SEPTIN6: variants seen among roughly 807,000 people sequenced by gnomAD.
SEPTIN6 encodes septin-6.
SEPTIN6 carries 8 observed loss-of-function variants against 33.6 expected under a neutral mutation model. The ratio of observed to expected loss-of-function variants is 0.24; its 90% confidence interval spans 0.14 to 0.43. The LOEUF is 0.43. SEPTIN6 is among the 20% of genes least tolerant of loss of function. The pLI is 1.00. For synonymous variants in SEPTIN6, 131 were observed against 140.0 expected (o/e 0.94, Z 0.45); for missense variants, 250 against 340.8 (o/e 0.73, Z 2.10).
At chrX:119,678,176 C>A (rs2054874581) in intron 1 of SEPTIN6, among the ~76,000 whole-genome samples, 1 of 110,700 alleles carries the variant, frequency 9.0e-6, no homozygotes, top group African/African-American at 3.3e-5. Flanking sequence ...GAGGTCGAGG[C>A]TGCAGTGAGC....
chrX:119,619,802 A>C lies in SEPTIN6; in HGVS notation c.*291T>G. On this transcript the variant is annotated 3_prime_UTR_variant, in exon 11 of 11. Transcript: ENST00000394610. ...CTCTGGCAAAGATGTGGGGGAAGACAGGGGGGATGGCTGGGGGTGCTGGGA... is the reference window on the plus strand; with the variant it reads ...CTCTGGCAAAGATGTGGGGGAAGACCGGGGGGATGGCTGGGGGTGCTGGGA... 1.0e-6 allele frequency: 1 copy of C among 966,415 alleles called. No individual in the cohort carries two copies. The highest frequency in any genetic ancestry group is 1.3e-6 in the Non-Finnish European group (1 of 752,790). The allele number at this position is 966,415 out of a possible 1,213,427, so 79.6% of individuals were successfully genotyped here. A position where few individuals can be genotyped will look rare whatever the true frequency, so the allele number is the denominator to read the frequency against.
At chrX:119,669,926 C>G (rs1359789396) in intron 2 of SEPTIN6, among the ~76,000 whole-genome samples, 2 of 111,755 alleles carry the variant, frequency 1.8e-5, no homozygotes, top group Non-Finnish European at 3.8e-5. Flanking sequence ...TCCTGAGCAG[C>G]TTCAAAGTAA....
chrX:119,667,297 G>A (rs913328625), intron 2 of SEPTIN6, among the ~76,000 whole-genome samples: 1 of 109,005 alleles, frequency 9.2e-6, no homozygotes, highest in Non-Finnish European at 1.9e-5. Flanking sequence ...GAAGGCCTCA[G>A]GGGCAGCACC....
rs183938018 is a variant in SEPTIN6 at position 119,637,291 on chromosome X, C to T, written c.788-96G>A. The T allele has an allele frequency of 1.3e-4, 99 of 770,939 alleles. No individual in the cohort carries two copies. In the East Asian group the frequency reaches 2.9e-3, roughly 22 times the overall value. The allele number at this position is 770,939 out of a possible 1,213,427, so 63.5% of individuals were successfully genotyped here. On this transcript the variant is annotated intron_variant, in intron 6 of 10. Transcript: ENST00000394610. ...CGAGAGGCAAAATGTCTAACAGTGA[C>T]GTTGCCTTGCAATCTGTGTATTTAG...
intron 2 of SEPTIN6, among the ~76,000 whole-genome samples, chrX:119,667,606 G>A (rs1461980395): frequency 1.2e-5 from 1 of 86,560 alleles, no homozygotes; most frequent in East Asian, 3.6e-4. Flanking sequence ...GGTCGGGGAG[G>A]CTTTCTGTCA....
chrX:119,647,749 G>A (rs1455834673), intron 5 of SEPTIN6, among the ~76,000 whole-genome samples: 1 of 108,713 alleles, frequency 9.2e-6, no homozygotes, highest in Non-Finnish European at 1.9e-5. Context: ...TGCCTCCTGG[G>A]TTCAAGCGAT....
At chrX:119,667,599 C>T (rs1383019531) in intron 2 of SEPTIN6, among the ~76,000 whole-genome samples, 3 of 110,452 alleles carry the variant, frequency 2.7e-5, no homozygotes, top group Non-Finnish European at 3.8e-5. Context: ...GCCTGGGGGT[C>T]GGGGAGGCTT....
chrX:119,630,596 G>A (rs1032851437), intron 8 of SEPTIN6, among the ~76,000 whole-genome samples: 2 of 112,278 alleles, frequency 1.8e-5, no homozygotes, highest in African/African-American at 6.5e-5. Flanking sequence ...GCTCACGCCT[G>A]TAATACCAGC....
chrX:119,671,018 G>T (rs1294632115), intron 2 of SEPTIN6, among the ~76,000 whole-genome samples: 6 of 111,090 alleles, frequency 5.4e-5, no homozygotes, highest in Non-Finnish European at 1.1e-4. Flanking sequence ...ATGCATGTAG[G>T]ATACCTTGCT....
intron 9 of SEPTIN6, among the ~76,000 whole-genome samples, chrX:119,627,677 G>C (rs767405686): frequency 6.3e-5 from 7 of 110,408 alleles, no homozygotes; most frequent in African/African-American, 2.3e-4. Context: ...GTGAGGGTGG[G>C]ACTACGGCCA....
intron 3 of SEPTIN6, among the ~76,000 whole-genome samples, chrX:119,656,155 G>C (rs1398798175): frequency 8.9e-6 from 1 of 111,887 alleles, no homozygotes; most frequent in Non-Finnish European, 1.9e-5. Context: ...ACATTATTTT[G>C]AGAATGAGCC....
chrX:119,692,985 G>T, intron 1 of SEPTIN6, 91 bp downstream of exon 1: 1 of 969,057 alleles, frequency 1.0e-6, no homozygotes, highest in Non-Finnish European at 1.4e-6. Context: ...GCTGCCCACT[G>T]CCCTCCTCGC....
chrX:119,675,744 T>A (rs1299991709), intron 1 of SEPTIN6, 76 bp from the exon 2 acceptor site: 1 of 587,870 alleles, frequency 1.7e-6, no homozygotes, highest in Non-Finnish European at 2.5e-6. Flanking sequence ...CATCCAAATG[T>A]TCGCTGTGCA....
intron 1 of SEPTIN6, among the ~76,000 whole-genome samples, chrX:119,689,026 C>T (rs943812321): frequency 9.0e-6 from 1 of 111,342 alleles, no homozygotes; most frequent in Non-Finnish European, 1.9e-5. Flanking sequence ...ATCTTTTCCC[C>T]ACCTGAAGAC....
At chrX:119,642,563 T>C (rs1438473306) in intron 5 of SEPTIN6, among the ~76,000 whole-genome samples, 4 of 110,660 alleles carry the variant, frequency 3.6e-5, no homozygotes, top group African/African-American at 1.3e-4. Context: ...AAGCAGTAGA[T>C]GAGGTGCGTA....
rs190350343 is a variant in SEPTIN6, at chrX:119,687,687, C to A, written c.30+5389G>T. On this transcript the variant is annotated intron_variant, in intron 1 of 10. Transcript: ENST00000394610. ...ATCAGCCCTACTTAGTTTGGGAATACCTTTTTCCAGAGGACTTATCTTCCT... is the reference window on the plus strand; with the variant it reads ...ATCAGCCCTACTTAGTTTGGGAATAACTTTTTCCAGAGGACTTATCTTCCT... 2.7e-5 allele frequency among the ~76,000 whole-genome samples: 3 copies of A among 112,189 alleles called. No individual in the cohort carries two copies. In the South Asian group the frequency reaches 1.1e-3, roughly 41 times the overall value.
At chrX:119,632,371 T>C (rs1246679811) in intron 8 of SEPTIN6, among the ~76,000 whole-genome samples, 1 of 110,323 alleles carries the variant, frequency 9.1e-6, no homozygotes, top group Non-Finnish European at 1.9e-5. Flanking sequence ...AATTTTTTTG[T>C]ATTTTTAGTA....
At position 119,618,563 on chromosome X, in the gene SEPTIN6, G is replaced by A; in HGVS notation, c.*1530C>T. 2.1e-6 allele frequency: 2 copies of A among 963,133 alleles called. No homozygotes were observed. Among genetic ancestry groups the A allele is most frequent in the African/African-American group, 2.0e-5 (1 of 49,716 alleles). 79.4% of individuals were successfully genotyped at this position (963,133 alleles called of 1,213,427 possible). A position where few individuals can be genotyped will look rare whatever the true frequency, so the allele number is the denominator to read the frequency against. ...AACTCTAAAAAAAAAATAGAAGTAG[G>A]TGGTCATGGTCAGTGCCAGTGGGGC... On this transcript the variant is annotated 3_prime_UTR_variant, in exon 11 of 11. Coordinates refer to ENST00000394610, the MANE Select transcript of SEPTIN6 (RefSeq NM_145799.4).
At chrX:119,666,424 T>C (rs2054640496) in intron 2 of SEPTIN6, among the ~76,000 whole-genome samples, 2 of 112,381 alleles carry the variant, frequency 1.8e-5, no homozygotes, top group South Asian at 3.7e-4. Flanking sequence ...TCTAGCCTGC[T>C]TCTTTTATCC....
Sources: gnomAD v4.1 joint callset for allele counts (sites outside exome capture counted in the v4.1 genomes callset) on GRCh38, gnomAD v4.1.1 for gene constraint, MANE v1.5 for transcripts, NCBI Gene and HGNC (gene_info 2026-07-23, HGNC 2026-07-21) for gene names.